Variants in CCDC158 observed in about 807,000 individuals in gnomAD.
CCDC158 encodes coiled-coil domain-containing protein 158.
Under a neutral mutation model 138.6 loss-of-function variants are expected in CCDC158, and 116 were observed. The ratio of observed to expected loss-of-function variants is 0.84; its 90% confidence interval spans 0.72 to 0.98. CCDC158 has a LOEUF of 0.98. Ranked by LOEUF, CCDC158 falls within the 50% of genes least tolerant of loss-of-function variation. The pLI is 0.00. For synonymous variants in CCDC158, 436 were observed against 442.4 expected (o/e 0.99, Z 0.18); for missense variants, 1,265 against 1,306.1 (o/e 0.97, Z 0.48).
At chr4:76,405,860 A>G (rs1198946832) in intron 2 of CCDC158, among the ~76,000 whole-genome samples, 3 of 152,298 alleles carry the variant, frequency 2.0e-5, no homozygotes, top group Middle Eastern at 6.8e-3. Flanking sequence ...ACCTTCTTAA[A>G]TGACAAAGAA....
chr4:76,372,436 CTG>C (rs1725332220), intron 9 of CCDC158, among the ~76,000 whole-genome samples: 1 of 152,034 alleles, frequency 6.6e-6, no homozygotes, highest in Admixed American at 6.6e-5. Flanking sequence ...CAGAGCAAAA[CTG>C]TTTCAAAAAA....
chr4:76,410,789 T>C (rs1354448793), intron 2 of CCDC158, among the ~76,000 whole-genome samples: 1 of 152,224 alleles, frequency 6.6e-6, no homozygotes, highest in African/African-American at 2.4e-5. Context: ...GAATTGCTGT[T>C]AGCTGCTTAT....
At chr4:76,317,060 A>G (rs534873708) in intron 24 of CCDC158, among the ~76,000 whole-genome samples, 178 of 152,150 alleles carry the variant, frequency 1.2e-3, no homozygotes, top group Middle Eastern at 6.8e-3. Context: ...TAAAACAATA[A>G]CACAATGAAA....
At chr4:76,360,306 G>A (rs1467343815) in intron 13 of CCDC158, among the ~76,000 whole-genome samples, 1 of 152,244 alleles carries the variant, frequency 6.6e-6, no homozygotes, top group East Asian at 1.9e-4. Context: ...TACTAGGGTA[G>A]TGCAGAGGGG....
intron 9 of CCDC158, chr4:76,375,276 G>A: frequency 2.9e-6 from 1 of 349,370 alleles, no homozygotes; most frequent in Non-Finnish European, 5.1e-6. Flanking sequence ...CTGGACAAAT[G>A]AGTATTGGGA....
In CCDC158 at chr4:76,384,689, T is replaced by G. The variant is rs560671115; in HGVS notation, c.289-24A>C. 3.0e-5 allele frequency: 44 copies of G among 1,484,362 alleles called. No homozygotes were observed. In the South Asian group the frequency reaches 4.6e-4, roughly 16 times the overall value. 91.9% of individuals were successfully genotyped at this position (1,484,362 alleles called of 1,614,324 possible). A position where few individuals can be genotyped will look rare whatever the true frequency, so the allele number is the denominator to read the frequency against. Reference sequence around the variant, plus strand: ...CTCTGAAAAAAAAAGCCATGCAAATTAATCTTCATTAGAGAAACACATTTC... The same window carrying G: ...CTCTGAAAAAAAAAGCCATGCAAATGAATCTTCATTAGAGAAACACATTTC... On this transcript the variant is annotated intron_variant, in intron 4 of 24. Transcript: ENST00000682701.
At chr4:76,418,474 A>G (rs560717946) in intron 1 of CCDC158, among the ~76,000 whole-genome samples, 92 of 152,206 alleles carry the variant, frequency 6.0e-4, no homozygotes, top group Non-Finnish European at 1.1e-3. Context: ...GGAGTGTATT[A>G]GTCTGTTTTC....
chr4:76,415,715 C>A (rs1729635055), intron 1 of CCDC158, among the ~76,000 whole-genome samples: 1 of 152,118 alleles, frequency 6.6e-6, no homozygotes, highest in Non-Finnish European at 1.5e-5. Flanking sequence ...TGAGAAGTGA[C>A]CAGAAGATGA....
intron 19 of CCDC158, among the ~76,000 whole-genome samples, chr4:76,333,575 C>A (rs927484833): frequency 6.6e-6 from 1 of 152,166 alleles, no homozygotes; most frequent in Non-Finnish European, 1.5e-5. Context: ...CCTATTATCT[C>A]CTACTTGGAG....
At chr4:76,412,737 C>T (rs1021945300) in intron 1 of CCDC158, among the ~76,000 whole-genome samples, 17 of 152,022 alleles carry the variant, frequency 1.1e-4, no homozygotes, top group Admixed American at 9.2e-4. Context: ...GGTGACAGAA[C>T]GAGACTCCAT....
chr4:76,351,245 G>A lies in CCDC158; in HGVS notation c.2539-124C>T, dbSNP rs1723010865. On this transcript the variant is annotated intron_variant, in intron 17 of 24. Transcript: ENST00000682701. ...ATTATTGAGATTTTAAAATATGTCT[G>A]TAGCTTTAAAGTACACTTCTTAAAA... The A allele has an allele frequency of 5.7e-6, 5 of 877,596 alleles. No homozygotes were observed. In the East Asian group the frequency reaches 1.3e-4, roughly 23 times the overall value. 54.4% of individuals were successfully genotyped at this position (877,596 alleles called of 1,614,324 possible). A position where few individuals can be genotyped will look rare whatever the true frequency, so the allele number is the denominator to read the frequency against.
intron 22 of CCDC158, among the ~76,000 whole-genome samples, chr4:76,326,355 G>A (rs1720531144): frequency 1.3e-5 from 2 of 152,058 alleles, no homozygotes; most frequent in Admixed American, 1.3e-4. Flanking sequence ...GAAATCATCT[G>A]TACAACTTTT....
intron 9 of CCDC158, among the ~76,000 whole-genome samples, chr4:76,374,122 C>A (rs1725503707): frequency 6.6e-6 from 1 of 152,136 alleles, no homozygotes; most frequent in African/African-American, 2.4e-5. Context: ...TGCCACTGCA[C>A]TCCAGCCTTG....
At chr4:76,406,099 G>C (rs1336101292) in intron 2 of CCDC158, among the ~76,000 whole-genome samples, 1 of 152,088 alleles carries the variant, frequency 6.6e-6, no homozygotes, top group African/African-American at 2.4e-5. Context: ...AAAAAAGTAT[G>C]CCTAAAAACA....
intron 1 of CCDC158, among the ~76,000 whole-genome samples, chr4:76,413,769 G>A (rs529248201): frequency 2.0e-5 from 3 of 152,140 alleles, no homozygotes; most frequent in South Asian, 2.1e-4. Flanking sequence ...ATTTCCCATG[G>A]AAAACATCCA....
chr4:76,369,712 A>T (rs1334374125), intron 10 of CCDC158, 89 bp from the exon 11 acceptor site: 1 of 1,159,660 alleles, frequency 8.6e-7, no homozygotes, highest in African/African-American at 1.6e-5. Flanking sequence ...TGGAGTTTTT[A>T]TGTGATTTCA....
intron 19 of CCDC158, among the ~76,000 whole-genome samples, chr4:76,333,595 T>C (rs1383220547): frequency 6.6e-6 from 1 of 152,214 alleles, no homozygotes; most frequent in Non-Finnish European, 1.5e-5. Flanking sequence ...GAGTATATAG[T>C]TCTCAAGGTT....
chr4:76,318,058 G>GA (rs1719576501), intron 24 of CCDC158, among the ~76,000 whole-genome samples: 1 of 152,080 alleles, frequency 6.6e-6, no homozygotes, highest in Non-Finnish European at 1.5e-5. Context: ...AAACAAGTCT[G>GA]AAAGAGCACA....
At chr4:76,371,939 C>T (rs1188214204) in intron 9 of CCDC158, among the ~76,000 whole-genome samples, 1 of 65,458 alleles carries the variant, frequency 1.5e-5, no homozygotes, top group Non-Finnish European at 3.4e-5. Context: ...ACTACATCTC[C>T]AAAAAAAAAA....
Sources: gnomAD v4.1 joint callset for allele counts (sites outside exome capture counted in the v4.1 genomes callset) on GRCh38, gnomAD v4.1.1 for gene constraint, MANE v1.5 for transcripts, NCBI Gene and HGNC (gene_info 2026-07-23, HGNC 2026-07-21) for gene names.